Variants in ACAD8 observed in about 807,000 individuals in gnomAD.
ACAD8 encodes the protein isobutyryl-CoA dehydrogenase, mitochondrial.
ACAD8 carries 47 observed loss-of-function variants against 53.1 expected under a neutral mutation model. The ratio of observed to expected loss-of-function variants is 0.89; its 90% confidence interval spans 0.70 to 1.13. ACAD8 has a LOEUF of 1.13. Ranked by LOEUF, ACAD8 falls within the 50% of genes most tolerant of loss-of-function variation. ACAD8 has a pLI of 0.00. For synonymous variants in ACAD8, 198 were observed against 201.3 expected (o/e 0.98, Z 0.14); for missense variants, 494 against 535.0 (o/e 0.92, Z 0.76).
At position 134,259,603 on chromosome 11, in the gene ACAD8, C is replaced by T. The variant is rs1305339603; in HGVS notation, c.568-5C>T. 6 of 1,613,986 alleles carry T rather than the reference C, an allele frequency of 3.7e-6. No homozygotes were observed. Among genetic ancestry groups the T allele is most frequent in the Middle Eastern group, 1.6e-4 (1 of 6,076 alleles). On this transcript the variant is annotated splice_region_variant and splice_polypyrimidine_tract_variant and intron_variant, in intron 5 of 10. Coordinates refer to ENST00000281182, the MANE Select transcript of ACAD8 (RefSeq NM_014384.3). Reference sequence around the variant, plus strand: ...GGTCCTTTTGCACCCCTTTTACCCCCACAGGCCTTCATCAGTGGTGCTGGT... The same window carrying T: ...GGTCCTTTTGCACCCCTTTTACCCCTACAGGCCTTCATCAGTGGTGCTGGT...
intron 10 of ACAD8, chr11:134,264,013 C>T: frequency 1.0e-6 from 1 of 985,174 alleles, no homozygotes; most frequent in Non-Finnish European, 1.2e-6. Flanking sequence ...TTTCTGATTA[C>T]CAAAGAAATG....
chr11:134,259,739 GA>G lies in ACAD8; in HGVS notation c.704del (p.Lys235ArgfsTer12). The G allele has an allele frequency of 6.2e-7, 1 of 1,614,206 alleles. No individual in the cohort carries two copies. ...CTGGCCTCAGCTTTGGCAAGAAGGA[GA>G]AAAAGGTGAGTGGCTGTTGGACAGG... is the stretch of plus-strand genomic sequence containing the variant. ...TPGLSFGKKE[K>X]KVGWNSQPTR... On this transcript the variant is annotated frameshift_variant, in exon 6 of 11. Transcript: ENST00000281182. LOFTEE classifies it high-confidence loss of function.
intron 10 of ACAD8, chr11:134,263,324 C>T (rs2136085370): frequency 2.0e-6 from 2 of 994,218 alleles, no homozygotes; most frequent in Middle Eastern, 5.2e-4. Context: ...GGCTTCCCTG[C>T]CCCTTTCACA....
rs745524886 is a variant in ACAD8, at chr11:134,261,371, A to G, written c.938A>G (p.Gln313Arg). 3.1e-6 allele frequency: 5 copies of G among 1,613,904 alleles called. No individual in the cohort carries two copies. Among genetic ancestry groups the G allele is most frequent in the Non-Finnish European group, 4.2e-6 (5 of 1,179,990 alleles). ...KQFGEPLASN[Q>R]YLQFTLADMA... ...TTTGGAGAGCCTCTGGCCAGTAACC[A>G]GGTAACCTCTGCCTTGCCTCCACAT... Residue 313 changes from glutamine (Q) to arginine (R), a missense_variant and splice_region_variant, in exon 8 of 11, where the codon CAG (glutamine) becomes CGG (arginine). Transcript: ENST00000281182. The surrounding 1 kb of genome is among the most constrained non-coding windows in gnomAD (Gnocchi z 4.2).
At position 134,260,819 on chromosome 11, in the gene ACAD8, A is replaced by G. The variant is rs1004968293; in HGVS notation, c.706-225A>G. 1.6e-5 allele frequency: 9 copies of G among 576,006 alleles called. No individual in the cohort carries two copies. The East Asian group carries it at 2.7e-4, about 17-fold the overall frequency. The allele number at this position is 576,006 out of a possible 1,614,324, so 35.7% of individuals were successfully genotyped here. ...TGTAGGTTAGTCAGGTAGAGTAGAC[A>G]TTAGTAGATTCTCTTAATAAGTTAG... On this transcript the variant is annotated intron_variant, in intron 6 of 10. Coordinates refer to ENST00000281182, the MANE Select transcript of ACAD8 (RefSeq NM_014384.3).
In ACAD8 at chr11:134,262,724, C is replaced by A. The variant is rs1321964344; in HGVS notation, c.1195+102C>A. 5.3e-6 allele frequency: 8 copies of A among 1,520,248 alleles called. No homozygotes were observed. In the South Asian group the frequency reaches 7.2e-5, roughly 14 times the overall value. The allele number at this position is 1,520,248 out of a possible 1,614,324, so 94.2% of individuals were successfully genotyped here. ...TGCCTCCTGGGCCTCAGGGTGCAGT[C>A]AAGCCCTGTCTGTCTCGAGGCTTCC... On this transcript the variant is annotated intron_variant, in intron 10 of 10. Coordinates refer to ENST00000281182, the MANE Select transcript of ACAD8 (RefSeq NM_014384.3).
Position 134,261,245 on chromosome 11 carries a change from G to T in ACAD8, c.842-30G>T. ...GACAGGCACTGCTGTTTTCCAGCTT[G>T]GTTGGAACGTCGGCGCTCTTCCCCT... On this transcript the variant is annotated intron_variant, in intron 7 of 10. Coordinates refer to ENST00000281182, the MANE Select transcript of ACAD8 (RefSeq NM_014384.3). The surrounding 1 kb of genome is among the most constrained non-coding windows in gnomAD (Gnocchi z 4.2). 2 of 1,614,106 alleles carry T rather than the reference G, an allele frequency of 1.2e-6. No individual in the cohort carries two copies. The highest frequency in any genetic ancestry group is 1.7e-6 in the Non-Finnish European group (2 of 1,180,002).
In ACAD8 at chr11:134,259,753, G is replaced by A. The variant is rs199544611; in HGVS notation, c.705+8G>A. On this transcript the variant is annotated splice_region_variant and intron_variant, in intron 6 of 10. Coordinates refer to ENST00000281182, the MANE Select transcript of ACAD8 (RefSeq NM_014384.3). The stretch of plus-strand genomic sequence containing the variant: ...GGCAAGAAGGAGAAAAAGGTGAGTG[G>A]CTGTTGGACAGGAAACAATTCAGGT... The A allele has an allele frequency of 1.7e-5, 28 of 1,614,192 alleles. No homozygotes were observed. The Middle Eastern group carries it at 4.9e-4, about 29-fold the overall frequency.
chr11:134,256,770 G>A lies in ACAD8; in HGVS notation c.210+122G>A, dbSNP rs543969372. The A allele has an allele frequency of 5.0e-5, 44 of 872,418 alleles. No individual in the cohort carries two copies. The African/African-American group carries it at 5.9e-4, about 12-fold the overall frequency. The allele number at this position is 872,418 out of a possible 1,614,324, so 54.0% of individuals were successfully genotyped here. ...CCACTTACCAACTCTTACTGCAAGT[G>A]AGAATACCGGTAGTGGATGATTTTT... On this transcript the variant is annotated intron_variant, in intron 2 of 10. Coordinates refer to ENST00000281182, the MANE Select transcript of ACAD8 (RefSeq NM_014384.3).
At chr11:134,260,503 G>A (rs1050772156) in intron 6 of ACAD8, 5 of 208,986 alleles carry the variant, frequency 2.4e-5, no homozygotes, top group Non-Finnish European at 4.9e-5. Context: ...TAACTGTAAG[G>A]CATTATGCAT....
At chr11:134,260,241 G>A in intron 6 of ACAD8, 1 of 1,068,722 alleles carries the variant, frequency 9.4e-7, no homozygotes, top group Non-Finnish European at 1.1e-6. Context: ...GATACTTCTA[G>A]GATTAAGAGC....
chr11:134,254,711 G>C (rs1939384146), intron 1 of ACAD8, among the ~76,000 whole-genome samples: 1 of 152,186 alleles, frequency 6.6e-6, no homozygotes, highest in Non-Finnish European at 1.5e-5. Context: ...TTAGAGGTGG[G>C]TTTTGTTATT....
rs1367124121 is a variant in ACAD8 at position 134,262,961 on chromosome 11, G to A, written c.1195+339G>A. 2.4e-6 allele frequency: 3 copies of A among 1,245,880 alleles called. No individual in the cohort carries two copies. The East Asian group carries it at 1.7e-4, about 69-fold the overall frequency. The allele number at this position is 1,245,880 out of a possible 1,614,324, so 77.2% of individuals were successfully genotyped here. On this transcript the variant is annotated intron_variant, in intron 10 of 10. Coordinates refer to ENST00000281182, the MANE Select transcript of ACAD8 (RefSeq NM_014384.3). ...GGTTATCGAGTACGTGGTTCTCAGG[G>A]ATCCAAGAACAGTGATGGACAAGGC...
In ACAD8 at chr11:134,265,313, C is replaced by T. The variant is rs751186324; in HGVS notation, c.*353C>T. On this transcript the variant is annotated 3_prime_UTR_variant, in exon 11 of 11. Transcript: ENST00000281182. ...CATTTTACTAGTTCACTGGATCCCT[C>T]CTCTAGGGGCCTGGGGACTTTCACT... is the stretch of plus-strand genomic sequence containing the variant. The T allele has an allele frequency of 1.1e-5, 3 of 283,306 alleles. No homozygotes were observed. Among genetic ancestry groups the T allele is most frequent in the Non-Finnish European group, 2.0e-5 (3 of 148,748 alleles). The allele number at this position is 283,306 out of a possible 1,614,324, so 17.5% of individuals were successfully genotyped here. A position where few individuals can be genotyped will look rare whatever the true frequency, so the allele number is the denominator to read the frequency against.
rs762589603 is a variant in ACAD8 at position 134,256,674 on chromosome 11, G to C, written c.210+26G>C. 3.8e-6 allele frequency: 6 copies of C among 1,588,896 alleles called. No homozygotes were observed. In the Admixed American group the frequency reaches 6.7e-5, roughly 18 times the overall value. ...GTAGGCGTTTTTCTTGTGCTTAGAC[G>C]TTCTAACAACAGATGTCTCAGGCAG... On this transcript the variant is annotated intron_variant, in intron 2 of 10. Coordinates refer to ENST00000281182, the MANE Select transcript of ACAD8 (RefSeq NM_014384.3).
chr11:134,262,091 T>TATAC (rs1939914767), intron 9 of ACAD8: 2 of 701,410 alleles, frequency 2.9e-6, no homozygotes, highest in Non-Finnish European at 5.1e-6. Context: ...TGCATGCCAT[T>TATAC]ATACACTTCA....
Position 134,261,948 on chromosome 11 carries a change from G to T in ACAD8, c.1092+58G>T. The T allele has an allele frequency of 6.3e-7, 1 of 1,598,958 alleles. No individual in the cohort carries two copies. The highest frequency in any genetic ancestry group is 8.5e-7 in the Non-Finnish European group (1 of 1,172,834). On this transcript the variant is annotated intron_variant, in intron 9 of 10. Transcript: ENST00000281182. This position sits in a 1 kb window ranked among gnomAD's most constrained non-coding sequence, Gnocchi z 4.2. ...CAGGGAACAGCTGCTAGGCCCAGGG[G>T]TCTTGAGAGACATGAGTCAGATTTG... is the stretch of plus-strand genomic sequence containing the variant.
At chr11:134,254,028 C>T (rs968616140) in intron 1 of ACAD8, among the ~76,000 whole-genome samples, 6 of 150,412 alleles carry the variant, frequency 4.0e-5, no homozygotes, top group East Asian at 2.0e-4. Context: ...TCACCCCCCG[C>T]AGGTTCCCCT....
At chr11:134,258,706 C>A in intron 4 of ACAD8, 82 bp downstream of exon 4, 1 of 1,049,190 alleles carries the variant, frequency 9.5e-7, no homozygotes, top group Non-Finnish European at 1.4e-6. Flanking sequence ...TCCTTCCAGC[C>A]TCTTGACATG....
Sources: allele counts gnomAD v4.1 joint callset (sites outside exome capture counted in the v4.1 genomes callset), GRCh38; gene constraint gnomAD v4.1.1; non-coding constraint Gnocchi (gnomAD v3.1); transcripts MANE v1.5; gene names NCBI Gene and HGNC (gene_info 2026-07-23, HGNC 2026-07-21).